The following CCZ1B variants were observed in gnomAD, a reference collection of about 807,000 sequenced individuals.
The protein encoded by CCZ1B is vacuolar fusion protein CCZ1 homolog B.
A neutral mutation model predicts 58.8 loss-of-function variants in CCZ1B; 25 were observed. The ratio of observed to expected loss-of-function variants is 0.43; its 90% CI spans 0.31 to 0.59. The LOEUF (loss-of-function observed/expected upper bound fraction) is 0.59. Ranked by LOEUF, CCZ1B falls within the 20% of genes least tolerant of loss-of-function variation. The pLI is 0.12. For missense variants in CCZ1B, 180 were observed against 501.5 expected, an observed-to-expected ratio of 0.36 and a Z score of 6.12; for synonymous variants, 66 against 173.2, an observed-to-expected ratio of 0.38 and a Z score of 4.86.
intron 10 of CCZ1B, among the ~76,000 whole-genome samples, chr7:6,807,592 AGAG>A (rs1456676310): frequency 1.4e-5 from 2 of 145,278 alleles, no homozygotes; most frequent in East Asian, 3.8e-4. Flanking sequence ...CAGGAATGAA[AGAG>A]GAGACATCAC....
At chr7:6,820,139 A>G (rs1783085301) in intron 6 of CCZ1B, among the ~76,000 whole-genome samples, 198 bp from the exon 7 acceptor site, 1 of 110,816 alleles carries the variant, frequency 9.0e-6, no homozygotes, top group African/African-American at 3.2e-5. Flanking sequence ...ACAAAGTTCA[A>G]ACTATCTACT....
intron 7 of CCZ1B, among the ~76,000 whole-genome samples, chr7:6,817,993 G>C (rs1462689931): frequency 2.0e-5 from 3 of 147,904 alleles, no homozygotes; most frequent in African/African-American, 7.8e-5. Context: ...AACAGAAAGC[G>C]ACTCCATTTC....
At position 6,825,545 on chromosome 7, in the gene CCZ1B, C is replaced by T. The variant is rs1160235908; in HGVS notation, c.120+533G>A. ...GATTACAGGCGTGAGTCACAGCGCC[C>T]AGCCTGGACAGTCTTTAACAGAAGT... On this transcript the variant is annotated intron_variant, in intron 1 of 14. Transcript: ENST00000316731. Among the ~76,000 whole-genome samples the T allele has an allele frequency of 8.1e-4, 101 of 125,150 alleles. 3 individuals are homozygous for T. The highest frequency in any genetic ancestry group is 1.7e-3 in the Admixed American group (20 of 11,802). The allele number at this position is 125,150 out of a possible 152,430, so 82.1% of individuals were successfully genotyped here. A position where few individuals can be genotyped will look rare whatever the true frequency, so the allele number is the denominator to read the frequency against.
intron 7 of CCZ1B, among the ~76,000 whole-genome samples, chr7:6,816,226 TC>T (rs1270354432): frequency 6.7e-6 from 1 of 148,926 alleles, no homozygotes; most frequent in Non-Finnish European, 1.5e-5. Context: ...ACACCTGTAA[TC>T]CCAGCACTTG....
rs912686674 is a variant in CCZ1B, at chr7:6,819,634, T to C, written c.698+132A>G. ...AATAATCACTGCTTTATTTTGACAA[T>C]ATCTATGAAGATGCTTCCTACCCAT... is the stretch of plus-strand genomic sequence containing the variant. On this transcript the variant is annotated intron_variant, in intron 7 of 14. Transcript: ENST00000316731. The C allele has an allele frequency of 1.5e-5, 9 of 598,594 alleles. 1 individual carries two copies. The highest frequency in any genetic ancestry group is 1.4e-4 in the South Asian group (7 of 48,950). The allele number at this position is 598,594 out of a possible 1,614,324, so 37.1% of individuals were successfully genotyped here.
chr7:6,818,216 T>C (rs891005173), intron 7 of CCZ1B, among the ~76,000 whole-genome samples: 5 of 149,838 alleles, frequency 3.3e-5, no homozygotes, highest in East Asian at 1.9e-4. Flanking sequence ...TAGCTGAACT[T>C]ACCTTATAGT....
chr7:6,824,166 C>G lies in CCZ1B; in HGVS notation c.313G>C (p.Val105Leu). The G allele has an allele frequency of 7.0e-7, 1 of 1,431,514 alleles. No individual in the cohort carries two copies. The highest frequency in any genetic ancestry group is 9.4e-7 in the Non-Finnish European group (1 of 1,066,848). 88.7% of individuals were successfully genotyped at this position (1,431,514 alleles called of 1,614,324 possible). A position where few individuals can be genotyped will look rare whatever the true frequency, so the allele number is the denominator to read the frequency against. ...TTTTCAATTATAGGATTCCGAACAA[C>G]CTACAAAGTTTGATAAACTGAAATT... Reference protein sequence around the residue: ...EPEENFWMVMVVRNPIIEKQS... With the variant: ...EPEENFWMVMLVRNPIIEKQS... Residue 105 changes from valine to leucine, a missense_variant and splice_region_variant, in exon 4 of 15, where the codon GTT becomes CTT. Transcript: ENST00000316731.
At chr7:6,817,802 C>T (rs1282515338) in intron 7 of CCZ1B, among the ~76,000 whole-genome samples, 1 of 149,490 alleles carries the variant, frequency 6.7e-6, no homozygotes, top group African/African-American at 2.5e-5. Flanking sequence ...CCTTTGAGGT[C>T]AGGAGTTCGA....
intron 5 of CCZ1B, among the ~76,000 whole-genome samples, chr7:6,822,944 A>T (rs1783134775): frequency 6.9e-6 from 1 of 145,888 alleles, no homozygotes; most frequent in African/African-American, 2.6e-5. Context: ...GGGCTCAAGC[A>T]ATCCTCCCAC....
In CCZ1B at chr7:6,823,515, C is replaced by CTTTTTTT. The variant is rs897480782; in HGVS notation, c.391-162_391-156dup. Among the ~76,000 whole-genome samples, 475 of 104,806 alleles carry CTTTTTTT rather than the reference C, an allele frequency of 4.5e-3. 18 individuals carry two copies. The highest frequency in any genetic ancestry group is 0.016 in the African/African-American group (387 of 24,398). The allele number at this position is 104,806 out of a possible 152,430, so 68.8% of individuals were successfully genotyped here. ...CGTGCTGAAAAAAAGTGTTTGCGTT[C>CTTTTTTT]TTTTTTTTTTTTTTTTTTTTTGAGA... On this transcript the variant is annotated intron_variant, in intron 4 of 14. Transcript: ENST00000316731.
chr7:6,822,981 C>T (rs999838216), intron 5 of CCZ1B, among the ~76,000 whole-genome samples: 2 of 146,882 alleles, frequency 1.4e-5, no homozygotes, highest in South Asian at 2.2e-4. Flanking sequence ...GCTGAAATTA[C>T]AGGTGTGATC....
intron 6 of CCZ1B, 151 bp from the exon 7 acceptor site, chr7:6,820,092 G>A: frequency 2.7e-6 from 3 of 1,114,648 alleles, no homozygotes. Context: ...GTGAAGACAT[G>A]GGTGACTGAG....
intron 7 of CCZ1B, among the ~76,000 whole-genome samples, chr7:6,818,816 C>T (rs1783061489): frequency 3.4e-5 from 5 of 148,928 alleles, no homozygotes; most frequent in Admixed American, 3.3e-4. Flanking sequence ...TGTCCACCTA[C>T]TCTAGGCCAA....
chr7:6,821,019 T>C (rs866242356), intron 6 of CCZ1B, among the ~76,000 whole-genome samples: 14 of 144,994 alleles, frequency 9.7e-5, no homozygotes, highest in Middle Eastern at 3.4e-3. Flanking sequence ...CATCTTTATT[T>C]CCCCCCCGAG....
intron 5 of CCZ1B, among the ~76,000 whole-genome samples, chr7:6,822,786 C>T (rs4724856): frequency 0.15 from 19,247 of 132,644 alleles, 1,817 homozygotes; most frequent in South Asian, 0.33. Flanking sequence ...ACTGCAGCCT[C>T]GACCTCCAAG....
intron 7 of CCZ1B, among the ~76,000 whole-genome samples, chr7:6,819,193 C>A (rs1443566909): frequency 7.6e-6 from 1 of 131,640 alleles, no homozygotes; most frequent in African/African-American, 2.9e-5. Context: ...GAAAAAAAAA[C>A]TCCAAAATAA....
chr7:6,804,331 G>T (rs1782805696), intron 12 of CCZ1B, among the ~76,000 whole-genome samples: 1 of 127,252 alleles, frequency 7.9e-6, no homozygotes, highest in African/African-American at 3.0e-5. Context: ...GATGAGGCAT[G>T]AGAATCGCTT....
chr7:6,818,712 CAAGAAAGAAAGAAAGA>C (rs769620724), intron 7 of CCZ1B, among the ~76,000 whole-genome samples: 1 of 80,708 alleles, frequency 1.2e-5, no homozygotes, highest in African/African-American at 5.8e-5. Flanking sequence ...GAAAGAAAGA[CAAGAAAGAAAGAAAGA>C]AAGAAAGAAA....
At chr7:6,808,234 A>AG (rs1420918096) in intron 10 of CCZ1B, among the ~76,000 whole-genome samples, 2 of 126,492 alleles carry the variant, frequency 1.6e-5, no homozygotes, top group African/African-American at 2.6e-5. Flanking sequence ...CTCGAGGCTC[A>AG]GGTGAGCTTC....
Sources: allele counts gnomAD v4.1 joint callset (sites outside exome capture counted in the v4.1 genomes callset), GRCh38; gene constraint gnomAD v4.1.1; transcripts MANE v1.5; gene names NCBI Gene and HGNC (gene_info 2026-07-23, HGNC 2026-07-21).